Variants in B3GALT1 observed in about 807,000 individuals in gnomAD.
B3GALT1 encodes beta-1,3-galactosyltransferase 1.
B3GALT1 carries 10 observed loss-of-function variants against 23.2 expected under a neutral mutation model. That is an observed-to-expected ratio of 0.43 (90% CI 0.27 to 0.73). The LOEUF is 0.73. B3GALT1 is among the 30% of genes least tolerant of loss of function. The probability of loss-of-function intolerance (pLI) is 0.21; values close to 1 mark genes in which losing one functional copy is unlikely to be tolerated. For missense variants in B3GALT1, 299 were observed against 405.4 expected (o/e 0.74, Z 2.25); for synonymous variants, 156 against 141.5 (o/e 1.10, Z -0.73).
At chr2:167,730,770 GAC>G (rs1463713958) in intron 3 of B3GALT1, among the ~76,000 whole-genome samples, 2 of 152,138 alleles carry the variant, frequency 1.3e-5, no homozygotes, top group Non-Finnish European at 2.9e-5. Flanking sequence ...AAGATGCTCT[GAC>G]CATAGATTTT....
At chr2:167,733,846 ATGT>A (rs1482452621) in intron 3 of B3GALT1, among the ~76,000 whole-genome samples, 2 of 152,162 alleles carry the variant, frequency 1.3e-5, no homozygotes, top group Non-Finnish European at 2.9e-5. Flanking sequence ...TCTTAAGGAG[ATGT>A]TGTGTGGCAA....
At chr2:167,474,481 T>C (rs1229653634) in intron 1 of B3GALT1, among the ~76,000 whole-genome samples, 1 of 152,156 alleles carries the variant, frequency 6.6e-6, no homozygotes, top group Non-Finnish European at 1.5e-5. Context: ...GTATTGTTAC[T>C]GTCTTATCTC....
At chr2:167,379,491 C>T (rs542634719) in intron 1 of B3GALT1, among the ~76,000 whole-genome samples, 2 of 152,092 alleles carry the variant, frequency 1.3e-5, no homozygotes, top group East Asian at 3.9e-4. Context: ...AGGGTTTTGA[C>T]TTTGCTTCTA....
intron 1 of B3GALT1, among the ~76,000 whole-genome samples, chr2:167,470,722 A>G (rs1699409559): frequency 6.6e-6 from 1 of 152,166 alleles, no homozygotes; most frequent in African/African-American, 2.4e-5. Flanking sequence ...AAATGTTACA[A>G]TATTAGTTAA....
chr2:167,401,589 C>A (rs1698192837), intron 1 of B3GALT1, among the ~76,000 whole-genome samples: 1 of 152,112 alleles, frequency 6.6e-6, no homozygotes, highest in African/African-American at 2.4e-5. Context: ...TTCACTGCAT[C>A]CCCAACTACA....
rs564989577 is a variant in B3GALT1, at chr2:167,631,179, G to A, written c.-409-15730G>A. Among the ~76,000 whole-genome samples, 3 of 151,832 alleles carry A rather than the reference G, an allele frequency of 2.0e-5. No individual in the cohort carries two copies. The East Asian group carries it at 5.8e-4, about 30-fold the overall frequency. On this transcript the variant is annotated intron_variant, in intron 2 of 4. Coordinates refer to ENST00000392690, the MANE Select transcript of B3GALT1 (RefSeq NM_020981.4). ...TAGCTATTTAGCCAAAATTATTAGTGTTTCTCTGAATGAGACTCTTCTTTT... is the reference window on the plus strand; with the variant it reads ...TAGCTATTTAGCCAAAATTATTAGTATTTCTCTGAATGAGACTCTTCTTTT...
chr2:167,421,018 C>G (rs993354508), intron 1 of B3GALT1, among the ~76,000 whole-genome samples: 3 of 152,140 alleles, frequency 2.0e-5, no homozygotes, highest in Admixed American at 2.0e-4. Context: ...GATGAAATAA[C>G]AGTCATTCAC....
intron 1 of B3GALT1, among the ~76,000 whole-genome samples, chr2:167,311,144 T>A (rs1159086255): frequency 2.0e-5 from 3 of 152,146 alleles, no homozygotes; most frequent in Non-Finnish European, 4.4e-5. Context: ...TTTCTTCATT[T>A]GGTTATTGCT....
At chr2:167,381,238 T>A (rs983842088) in intron 1 of B3GALT1, among the ~76,000 whole-genome samples, 1 of 152,038 alleles carries the variant, frequency 6.6e-6, no homozygotes, top group African/African-American at 2.4e-5. Context: ...TGGCTAATTT[T>A]TTTTCAGAGA....
chr2:167,650,466 T>C (rs1175659973), intron 3 of B3GALT1, among the ~76,000 whole-genome samples: 1 of 151,740 alleles, frequency 6.6e-6, no homozygotes, highest in African/African-American at 2.4e-5. Context: ...TTTATGCATA[T>C]GTCATATTGG....
intron 4 of B3GALT1, among the ~76,000 whole-genome samples, chr2:167,867,087 T>C (rs372979059): frequency 0.012 from 1,831 of 152,206 alleles, 7 homozygotes; most frequent in East Asian, 0.029. Flanking sequence ...CCACTACGCC[T>C]GGCTAATTTT....
At position 167,521,983 on chromosome 2, in the gene B3GALT1, T is replaced by TATATATATATATATATATATATATACAC. The variant is rs1558891584; in HGVS notation, c.-410+31706_-410+31707insATATATATATATATATATATATATACAC. ...ACCAACATATATGTGTGTGTGTGTG[T>TATATATATATATATATATATATATACAC]GTATATATATATATATATATATACA... On this transcript the variant is annotated intron_variant, in intron 2 of 4. Transcript: ENST00000392690. 1.1e-3 allele frequency among the ~76,000 whole-genome samples: 110 copies of TATATATATATATATATATATATATACAC among 101,804 alleles called. No homozygotes were observed. The East Asian group carries it at 0.018, about 16-fold the overall frequency. The allele number at this position is 101,804 out of a possible 152,430, so 66.8% of individuals were successfully genotyped here.
chr2:167,318,988 A>G (rs1392615707), intron 1 of B3GALT1, among the ~76,000 whole-genome samples: 1 of 152,136 alleles, frequency 6.6e-6, no homozygotes, highest in Non-Finnish European at 1.5e-5. Context: ...GAGGAGCTCC[A>G]GCCACTTCTA....
At chr2:167,459,204 C>T (rs756081422) in intron 1 of B3GALT1, among the ~76,000 whole-genome samples, 1 of 152,016 alleles carries the variant, frequency 6.6e-6, no homozygotes, top group Non-Finnish European at 1.5e-5. Flanking sequence ...CCTTATATTA[C>T]TGTCTTTTAT....
intron 1 of B3GALT1, among the ~76,000 whole-genome samples, chr2:167,443,029 TC>T (rs1478532682): frequency 1.3e-5 from 2 of 152,106 alleles, no homozygotes; most frequent in African/African-American, 4.8e-5. Context: ...AAGTCTTTAA[TC>T]CATCTTGAAT....
At chr2:167,576,520 G>GTTTTTTTTTTGTTTTTTTTTTT (rs1558912483) in intron 2 of B3GALT1, among the ~76,000 whole-genome samples, 1 of 122,424 alleles carries the variant, frequency 8.2e-6, no homozygotes. Context: ...TTGTTTTTCT[G>GTTTTTTTTTTGTTTTTTTTTTT]TTTTTTTTTT....
chr2:167,836,886 G>C (rs1689492135), intron 4 of B3GALT1, among the ~76,000 whole-genome samples: 1 of 152,196 alleles, frequency 6.6e-6, no homozygotes, highest in South Asian at 2.1e-4. Context: ...CATTCTTAAA[G>C]AAAAGAATTT....
intron 1 of B3GALT1, among the ~76,000 whole-genome samples, chr2:167,298,003 C>T (rs1696383739): frequency 6.6e-6 from 1 of 152,146 alleles, no homozygotes; most frequent in Non-Finnish European, 1.5e-5. Flanking sequence ...ATGCATTCAG[C>T]ACTCATTTAA....
intron 3 of B3GALT1, among the ~76,000 whole-genome samples, chr2:167,794,781 G>A (rs1161340461): frequency 6.6e-6 from 1 of 152,058 alleles, no homozygotes; most frequent in Non-Finnish European, 1.5e-5. Flanking sequence ...CTTTCATCCT[G>A]GTCATTTAAT....
Sources: allele counts gnomAD v4.1 joint callset (sites outside exome capture counted in the v4.1 genomes callset), GRCh38; gene constraint gnomAD v4.1.1; transcripts MANE v1.5; gene names NCBI Gene and HGNC (gene_info 2026-07-23, HGNC 2026-07-21).